LGALS3: variants seen among roughly 807,000 people sequenced by gnomAD.
LGALS3 encodes galectin-3.
LGALS3 carries 18 observed loss-of-function variants against 20.7 expected under a neutral mutation model. The ratio of observed to expected loss-of-function variants is 0.87; its 90% confidence interval spans 0.60 to 1.29. The LOEUF is 1.29. Ranked by LOEUF, LGALS3 falls within the 50% of genes most tolerant of loss-of-function variation. The pLI is 0.00. For synonymous variants in LGALS3, 112 were observed against 119.6 expected (o/e 0.94, Z 0.42); for missense variants, 315 against 314.7 (o/e 1.00, Z -0.01).
intron 3 of LGALS3, among the ~76,000 whole-genome samples, chr14:55,138,899 T>G (rs1202889233): frequency 6.6e-6 from 1 of 152,216 alleles, no homozygotes; most frequent in African/African-American, 2.4e-5. Flanking sequence ...AAGTGAATTC[T>G]AAGTGTAAAA....
In LGALS3 at chr14:55,145,370, T is replaced by G. The variant is rs1881785611; in HGVS notation, c.*99T>G. On this transcript the variant is annotated 3_prime_UTR_variant, in exon 6 of 6. Transcript: ENST00000254301. Reference sequence around the variant, plus strand: ...GTGAAAATTTTTACATTCATCAATATCCCTCTTGTAAGTCATCTACTTAAT... The same window carrying G: ...GTGAAAATTTTTACATTCATCAATAGCCCTCTTGTAAGTCATCTACTTAAT... The G allele has an allele frequency of 6.4e-7, 1 of 1,564,998 alleles. No individual in the cohort carries two copies. Among genetic ancestry groups the G allele is most frequent in the Non-Finnish European group, 8.7e-7 (1 of 1,155,122 alleles).
intron 1 of LGALS3, among the ~76,000 whole-genome samples, chr14:55,131,757 A>AG (rs562555373): frequency 3.9e-5 from 6 of 152,298 alleles, no homozygotes; most frequent in Admixed American, 6.5e-5. Flanking sequence ...GCTTTTCCGT[A>AG]GGGGGGAAGA....
intron 5 of LGALS3, among the ~76,000 whole-genome samples, chr14:55,143,036 A>G (rs548003950): frequency 8.9e-4 from 135 of 152,372 alleles, no homozygotes; most frequent in African/African-American, 3.1e-3. Context: ...AAAAAGGCAA[A>G]AAGTCTTTAT....
At position 55,137,766 on chromosome 14, in the gene LGALS3, A is replaced by G. The variant is rs2140292724; in HGVS notation, c.19-279A>G. 1.1e-5 allele frequency: 14 copies of G among 1,322,108 alleles called. No homozygotes were observed. The South Asian group carries it at 2.8e-4, about 27-fold the overall frequency. The allele number at this position is 1,322,108 out of a possible 1,614,324, so 81.9% of individuals were successfully genotyped here. A position where few individuals can be genotyped will look rare whatever the true frequency, so the allele number is the denominator to read the frequency against. On this transcript the variant is annotated intron_variant, in intron 2 of 5. Coordinates refer to ENST00000254301, the MANE Select transcript of LGALS3 (RefSeq NM_002306.4). The stretch of plus-strand genomic sequence containing the variant: ...ATGAAAAAGTATGTGCTATAAGTAG[A>G]GGAGCGCTAACTCCTGACTTGAGCT...
Position 55,142,733 on chromosome 14 carries a change from G to A in LGALS3, c.581G>A (p.Ser194Asn), listed in dbSNP as rs1881672227. 1.9e-6 allele frequency: 3 copies of A among 1,612,884 alleles called. No individual in the cohort carries two copies. The highest frequency in any genetic ancestry group is 3.3e-5 in the Admixed American group (2 of 59,984). Residue 194 changes from serine to asparagine, a missense_variant, in exon 5 of 6, where the codon AGT becomes AAT. Ser to Asn is a conservative substitution (Grantham distance 46). Transcript: ENST00000254301. ...EERQSVFPFESGKPFKIQVLV... is the reference protein window; with the variant it reads ...EERQSVFPFENGKPFKIQVLV... The stretch of plus-strand genomic sequence containing the variant: ...AGACAGTCGGTTTTCCCATTTGAAA[G>A]TGGGAAACCATTCAAAGTAAGTTAT...
chr14:55,130,387 A>G (rs10149038), intron 1 of LGALS3, among the ~76,000 whole-genome samples: 3,940 of 152,244 alleles, frequency 0.026, 166 homozygotes, highest in African/African-American at 0.09. Flanking sequence ...TTGCTGCGCA[A>G]TGAGGACACC....
At chr14:55,140,449 G>A in intron 4 of LGALS3, 86 bp downstream of exon 4, 1 of 746,688 alleles carries the variant, frequency 1.3e-6, no homozygotes, top group Non-Finnish European at 2.2e-6. Flanking sequence ...TTCTTGCCCT[G>A]TCTTACAGTG....
At chr14:55,137,778 T>A in intron 2 of LGALS3, 2 of 1,304,450 alleles carry the variant, frequency 1.5e-6, no homozygotes, top group Non-Finnish European at 1.9e-6. Context: ...GAGCGCTAAC[T>A]CCTGACTTGA....
intron 1 of LGALS3, among the ~76,000 whole-genome samples, chr14:55,135,560 GTTTTTTTT>G (rs762172869): frequency 5.6e-5 from 6 of 106,560 alleles, no homozygotes; most frequent in Admixed American, 3.3e-4. Flanking sequence ...ATATTTTATG[GTTTTTTTT>G]TTTTTTTTTT....
chr14:55,135,672 C>T (rs541214150), intron 1 of LGALS3, among the ~76,000 whole-genome samples: 1 of 149,802 alleles, frequency 6.7e-6, no homozygotes, highest in Non-Finnish European at 1.5e-5. Context: ...TCAAATGATC[C>T]TCCCACCTCA....
chr14:55,142,293 A>C (rs1218269213), intron 4 of LGALS3, among the ~76,000 whole-genome samples: 1 of 152,228 alleles, frequency 6.6e-6, no homozygotes, highest in East Asian at 1.9e-4. Flanking sequence ...AAGGGTTTTC[A>C]TGAGTCTGTA....
In LGALS3 at chr14:55,140,460, C is replaced by T. The variant is rs1881582405; in HGVS notation, c.431+97C>T. 4.4e-6 allele frequency: 3 copies of T among 687,780 alleles called. No homozygotes were observed. In the African/African-American group the frequency reaches 5.5e-5, roughly 13 times the overall value. The allele number at this position is 687,780 out of a possible 1,614,324, so 42.6% of individuals were successfully genotyped here. On this transcript the variant is annotated intron_variant, in intron 4 of 5. Transcript: ENST00000254301. ...TTTCTTCTTGCCCTGTCTTACAGTGCTATTTTGAATTTTAGTAAAATTTTA... is the reference window on the plus strand; with the variant it reads ...TTTCTTCTTGCCCTGTCTTACAGTGTTATTTTGAATTTTAGTAAAATTTTA...
chr14:55,142,219 C>T (rs1369275525), intron 4 of LGALS3, among the ~76,000 whole-genome samples: 1 of 152,138 alleles, frequency 6.6e-6, no homozygotes, highest in African/African-American at 2.4e-5. Flanking sequence ...AAGAGATAAC[C>T]ATTATCTATA....
chr14:55,133,678 C>T (rs1476630538), intron 1 of LGALS3, among the ~76,000 whole-genome samples: 1 of 152,182 alleles, frequency 6.6e-6, no homozygotes, highest in East Asian at 1.9e-4. Flanking sequence ...GAGACACAAT[C>T]TATACTGCCC....
chr14:55,141,303 A>G (rs1248901490), intron 4 of LGALS3, among the ~76,000 whole-genome samples: 1 of 152,182 alleles, frequency 6.6e-6, no homozygotes, highest in Admixed American at 6.6e-5. Flanking sequence ...TCCCCGTACA[A>G]TAATGCCCGT....
chr14:55,140,424 G>T, intron 4 of LGALS3, 61 bp downstream of exon 4: 1 of 1,074,306 alleles, frequency 9.3e-7, no homozygotes, highest in Non-Finnish European at 1.4e-6. Flanking sequence ...AATAAAGAAT[G>T]GCCTACTTTT....
At chr14:55,145,430 A>G, downstream of LGALS3, 1 of 1,361,646 alleles carries the variant, frequency 7.3e-7, no homozygotes, top group Non-Finnish European at 1.0e-6. Context: ...TCAATATGTC[A>G]TTTAATTGGA....
At position 55,142,564 on chromosome 14, in the gene LGALS3, T is replaced by C. The variant is rs777975162; in HGVS notation, c.432-20T>C. ...GTACAGCTTTAATCATTTTAATAAC[T>C]GGTCTTTGGTTTAAAACAGAATTGC... On this transcript the variant is annotated intron_variant, in intron 4 of 5. Transcript: ENST00000254301. 6.2e-5 allele frequency: 99 copies of C among 1,599,258 alleles called. No homozygotes were observed. The highest frequency in any genetic ancestry group is 8.1e-5 in the Non-Finnish European group (94 of 1,167,210).
At chr14:55,144,785 C>CGA (rs1881757004) in intron 5 of LGALS3, among the ~76,000 whole-genome samples, 1 of 151,934 alleles carries the variant, frequency 6.6e-6, no homozygotes, top group African/African-American at 2.4e-5. Flanking sequence ...AGGATGGTCT[C>CGA]GATCTCCTGA....
Sources: gnomAD v4.1 joint callset for allele counts (sites outside exome capture counted in the v4.1 genomes callset) on GRCh38, gnomAD v4.1.1 for gene constraint, MANE v1.5 for transcripts, NCBI Gene and HGNC (gene_info 2026-07-23, HGNC 2026-07-21) for gene names.